The following BDKRB1 variants were observed in gnomAD, a reference collection of about 807,000 sequenced individuals.
The protein encoded by BDKRB1 is B1 bradykinin receptor.
For synonymous variants in BDKRB1, 192 were observed against 189.1 expected (o/e 1.02, Z -0.13); for missense variants, 414 against 441.4 (o/e 0.94, Z 0.56).
intron 1 of BDKRB1, among the ~76,000 whole-genome samples, chr14:96,262,392 A>G (rs544941321): frequency 2.0e-5 from 3 of 152,300 alleles, no homozygotes; most frequent in East Asian, 1.9e-4. Context: ...TCCGGGTCTC[A>G]GCACTCAATT....
intron 2 of BDKRB1, among the ~76,000 whole-genome samples, chr14:96,263,245 C>G (rs1175235321): frequency 2.0e-5 from 3 of 152,162 alleles, no homozygotes; most frequent in Non-Finnish European, 1.5e-5. Context: ...AAAGTCTTTC[C>G]TCTATGCAAG....
At chr14:96,261,236 G>C (rs2139814246) in intron 1 of BDKRB1, among the ~76,000 whole-genome samples, 1 of 152,300 alleles carries the variant, frequency 6.6e-6, no homozygotes, top group South Asian at 2.1e-4. Flanking sequence ...TATTTAGTGT[G>C]TGTATTGTTT....
intron 1 of BDKRB1, among the ~76,000 whole-genome samples, chr14:96,260,170 C>T (rs532432014): frequency 2.4e-3 from 370 of 152,148 alleles, no homozygotes; most frequent in Middle Eastern, 0.014. Flanking sequence ...ATTACAGGCA[C>T]CTGCCATCAC....
At chr14:96,261,134 A>G (rs1885739565) in intron 1 of BDKRB1, among the ~76,000 whole-genome samples, 1 of 151,982 alleles carries the variant, frequency 6.6e-6, no homozygotes, top group Admixed American at 6.5e-5. Flanking sequence ...TCACGGTGTT[A>G]CTACCTCCAA....
At chr14:96,263,544 A>G (rs1407427742) in intron 2 of BDKRB1, 129 bp from the exon 3 acceptor site, 1 of 1,010,800 alleles carries the variant, frequency 9.9e-7, no homozygotes, top group East Asian at 2.6e-5. Flanking sequence ...GCTGTAGATA[A>G]TACGTCCAGG....
rs34474132 is a variant in BDKRB1, at chr14:96,262,606, C to CTTTTTTTTTTTTTT, written c.-129-39_-129-26dup. ...TTTTTCTTTTCTCTCTCTCTCTCTC[C>CTTTTTTTTTTTTTT]TTTTTTTTTTTTTTTTTTTTGTTGT... On this transcript the variant is annotated intron_variant, in intron 1 of 2. Coordinates refer to ENST00000216629, the MANE Select transcript of BDKRB1 (RefSeq NM_000710.4). The CTTTTTTTTTTTTTT allele has an allele frequency of 9.6e-3, 2,982 of 309,828 alleles. 2 individuals are homozygous for CTTTTTTTTTTTTTT. The highest frequency in any genetic ancestry group is 0.014 in the South Asian group (676 of 47,006). 19.2% of individuals were successfully genotyped at this position (309,828 alleles called of 1,614,324 possible).
chr14:96,262,606 CTTT>C (rs34474132), intron 1 of BDKRB1, 43 bp from the exon 2 acceptor site: 4,315 of 305,114 alleles, frequency 0.014, 1 homozygote, highest in Non-Finnish European at 0.016. Flanking sequence ...TCTCTCTCTC[CTTT>C]TTTTTTTTTT....
At chr14:96,263,547 C>T (rs1885806441) in intron 2 of BDKRB1, 126 bp from the exon 3 acceptor site, 11 of 1,024,968 alleles carry the variant, frequency 1.1e-5, no homozygotes, top group Admixed American at 2.9e-5. Context: ...GTAGATAATA[C>T]GTCCAGGAAT....
At chr14:96,263,448 C>T (rs1468743206) in intron 2 of BDKRB1, among the ~76,000 whole-genome samples, 2 of 152,188 alleles carry the variant, frequency 1.3e-5, no homozygotes, top group Non-Finnish European at 2.9e-5. Flanking sequence ...TTTTCCCCCT[C>T]AGGAACAGAT....
intron 1 of BDKRB1, among the ~76,000 whole-genome samples, chr14:96,257,257 T>C (rs1323214697): frequency 6.6e-6 from 1 of 152,220 alleles, no homozygotes; most frequent in Non-Finnish European, 1.5e-5. Flanking sequence ...CTAAAGTCCC[T>C]GCGTAGCTGG....
chr14:96,263,508 C>T (rs1308056474), intron 2 of BDKRB1, among the ~76,000 whole-genome samples, 165 bp from the exon 3 acceptor site: 5 of 152,144 alleles, frequency 3.3e-5, no homozygotes, highest in Admixed American at 2.6e-4. Flanking sequence ...TACAAGCGCT[C>T]GACTCCCCCT....
rs1335372289 is a variant in BDKRB1 at position 96,264,379 on chromosome 14, G to A, written c.697G>A (p.Glu233Lys). The A allele has an allele frequency of 7.4e-6, 12 of 1,614,232 alleles. No individual in the cohort carries two copies. The South Asian group carries it at 1.3e-4, about 18-fold the overall frequency. ...YHILASLRTR[E>K]EVSRTRCGGR... ...CATCCTGGCCTCCCTGCGAACGCGG[G>A]AGGAGGTCAGCAGGACAAGGTGCGG... Residue 233 changes from glutamate to lysine, a missense_variant, in exon 3 of 3, where the codon GAG becomes AAG. By Grantham distance (56) the Glu-to-Lys change is moderately conservative. Transcript: ENST00000216629.
chr14:96,257,301 A>T (rs1009075645), intron 1 of BDKRB1, among the ~76,000 whole-genome samples: 1 of 152,096 alleles, frequency 6.6e-6, no homozygotes, highest in African/African-American at 2.4e-5. Flanking sequence ...GTGCAGCCTC[A>T]CCCCCGTGCT....
rs1885850114 is a variant in BDKRB1, at chr14:96,264,649, G to A, written c.967G>A (p.Val323Ile). 1 of 1,614,188 alleles carries A rather than the reference G, an allele frequency of 6.2e-7. No homozygotes were observed. The stretch of plus-strand genomic sequence containing the variant: ...TGTGGGCCGGCTCTTCAGGACCAAG[G>A]TCTGGGAACTTTATAAACAATGCAC... ...VFVGRLFRTKVWELYKQCTPK... is the reference protein window; with the variant it reads ...VFVGRLFRTKIWELYKQCTPK... Residue 323 changes from valine to isoleucine, a missense_variant, in exon 3 of 3, where the codon GTC (valine) becomes ATC (isoleucine). By Grantham distance (29) the Val-to-Ile change is conservative. Transcript: ENST00000216629.
chr14:96,257,624 G>A (rs940154522), intron 1 of BDKRB1, among the ~76,000 whole-genome samples: 1 of 152,084 alleles, frequency 6.6e-6, no homozygotes, highest in Non-Finnish European at 1.5e-5. Flanking sequence ...TCCACCACAG[G>A]TCAGGACCTC....
intron 1 of BDKRB1, among the ~76,000 whole-genome samples, chr14:96,260,413 A>G (rs897350882): frequency 6.6e-6 from 1 of 152,194 alleles, no homozygotes; most frequent in African/African-American, 2.4e-5. Context: ...CAGACCCCAT[A>G]GTGATGCAAA....
Position 96,262,666 on chromosome 14 carries a change from G to A in BDKRB1, c.-115G>A, listed in dbSNP as rs569643053. 31 of 423,424 alleles carry A rather than the reference G, an allele frequency of 7.3e-5. No homozygotes were observed. Among genetic ancestry groups the A allele is most frequent in the Non-Finnish European group, 9.5e-5 (21 of 220,648 alleles). 26.2% of individuals were successfully genotyped at this position (423,424 alleles called of 1,614,324 possible). On this transcript the variant is annotated 5_prime_UTR_variant, in exon 2 of 3. Transcript: ENST00000216629. ...TGTTGAGACAGGGTCTCAGTCCGTCGGCCCAGACTGAAGTGCAGTGGCACA... is the reference window on the plus strand; with the variant it reads ...TGTTGAGACAGGGTCTCAGTCCGTCAGCCCAGACTGAAGTGCAGTGGCACA...
intron 2 of BDKRB1, 113 bp from the exon 3 acceptor site, chr14:96,263,560 G>C (rs955743251): frequency 8.7e-7 from 1 of 1,144,510 alleles, no homozygotes; most frequent in Admixed American, 2.8e-5. Context: ...CCAGGAATGG[G>C]TGTGGCTCTG....
chr14:96,264,145 C>A lies in BDKRB1; in HGVS notation c.463C>A (p.Arg155=), dbSNP rs200573342. 6.3e-5 allele frequency: 101 copies of A among 1,597,210 alleles called. No individual in the cohort carries two copies. The highest frequency in any genetic ancestry group is 8.5e-6 in the Non-Finnish European group (10 of 1,171,134). ...SRRQQRRRQA[R]VTCVLIWVVG... ...GAGGCAGCAGCGGCGGAGGCAGGCC[C>A]GGGTCACCTGCGTGCTCATCTGGGT... Residue 155 remains arginine, a synonymous_variant, in exon 3 of 3, where the codon CGG becomes AGG. Transcript: ENST00000216629.
Sources: gnomAD v4.1 joint callset for allele counts (sites outside exome capture counted in the v4.1 genomes callset) on GRCh38, gnomAD v4.1.1 for gene constraint, MANE v1.5 for transcripts, NCBI Gene and HGNC (gene_info 2026-07-23, HGNC 2026-07-21) for gene names.